Variants in AOPEP observed in about 807,000 individuals in gnomAD.
AOPEP encodes aminopeptidase O.
In AOPEP, 77 loss-of-function variants were observed where a neutral mutation model predicts 98.1. The ratio of observed to expected loss-of-function variants is 0.78; its 90% CI spans 0.65 to 0.95. The LOEUF is 0.95. Among genes scored for constraint, AOPEP ranks in the 40% least tolerant of loss-of-function variants. AOPEP has a pLI of 0.00. For synonymous variants in AOPEP, 346 were observed against 365.3 expected (o/e 0.95, Z 0.60); for missense variants, 1,024 against 1,024.7 (o/e 1.00, Z 0.01).
intron 13 of AOPEP, among the ~76,000 whole-genome samples, chr9:95,046,730 G>A (rs1327807877): frequency 3.3e-5 from 5 of 152,150 alleles, no homozygotes; most frequent in East Asian, 1.9e-4. Context: ...GTTGCTCACC[G>A]TGTTTATTTC....
chr9:94,901,359 A>G (rs980681221), intron 5 of AOPEP, among the ~76,000 whole-genome samples: 1 of 152,120 alleles, frequency 6.6e-6, no homozygotes, highest in Non-Finnish European at 1.5e-5. Context: ...ACCTAATAGT[A>G]TAGTATAGTA....
chr9:95,085,617 T>C (rs1587984041), intron 16 of AOPEP: 1 of 399,390 alleles, frequency 2.5e-6, no homozygotes, highest in South Asian at 1.8e-5. Flanking sequence ...CACAGTCAGC[T>C]TGGGTGCGGA....
At chr9:95,144,173 T>C in the AOPEP span, among the ~76,000 whole-genome samples, 1 of 152,172 alleles carries the variant, frequency 6.6e-6, no homozygotes, top group Admixed American at 6.5e-5. Flanking sequence ...CACTGATTGA[T>C]TGGATCAGCC....
At chr9:94,896,545 T>C (rs4743971) in intron 5 of AOPEP, among the ~76,000 whole-genome samples, 2,160 of 152,322 alleles carry the variant, frequency 0.014, 121 homozygotes, top group Admixed American at 0.1. Context: ...TCAACAGTGA[T>C]GTCATGTTGA....
In AOPEP at chr9:94,792,771, C is replaced by G. The variant is rs1159162801; in HGVS notation, c.971C>G (p.Ser324Ter). ...TTTCTCTTCCTGTTTACAGAGTGCT[C>G]AAGCTGGTATTACTATGTAACTATG... Reference protein sequence around the residue: ...AKPTQLWEECSSWYYYVTMPM... With the variant: ...AKPTQLWEEC The change falls in exon 4 of 17, where the codon TCA becomes TGA. Residue 324 changes from serine to a stop codon, truncating the protein, a stop_gained. Coordinates refer to ENST00000375315, the MANE Select transcript of AOPEP (RefSeq NM_001193329.3). LOFTEE classifies it high-confidence loss of function. The G allele has an allele frequency of 3.1e-6, 5 of 1,606,350 alleles. No individual in the cohort carries two copies. Among genetic ancestry groups the G allele is most frequent in the South Asian group, 1.1e-5 (1 of 90,444 alleles).
rs1006766394 is a variant in AOPEP, at chr9:94,942,817, A to G, written c.1662-12360A>G. On this transcript the variant is annotated intron_variant, in intron 7 of 16. Coordinates refer to ENST00000375315, the MANE Select transcript of AOPEP (RefSeq NM_001193329.3). ...GTTAAATTAGGAAAAATTCATTTAC[A>G]TCGCTTGAACCCGGGAGGCAGAGGT... Among the ~76,000 whole-genome samples, 3 of 151,558 alleles carry G rather than the reference A, an allele frequency of 2.0e-5. No individual in the cohort carries two copies. In the South Asian group the frequency reaches 6.2e-4, roughly 32 times the overall value.
intron 2 of AOPEP, among the ~76,000 whole-genome samples, chr9:94,767,569 C>T (rs1839904228): frequency 6.6e-6 from 1 of 152,204 alleles, no homozygotes; most frequent in African/African-American, 2.4e-5. Context: ...TAGGTCTCTT[C>T]ATTTCCTCAT....
chr9:95,081,295 C>T (rs1392451333), intron 15 of AOPEP, among the ~76,000 whole-genome samples: 1 of 152,178 alleles, frequency 6.6e-6, no homozygotes, highest in Non-Finnish European at 1.5e-5. Context: ...CATGTGGGAG[C>T]GGATCTGGGG....
At chr9:95,097,249 A>G in the AOPEP span, among the ~76,000 whole-genome samples, 1 of 152,236 alleles carries the variant, frequency 6.6e-6, no homozygotes, top group Admixed American at 6.5e-5. Context: ...GGCATAGGCT[A>G]AAGTATAGAT....
rs532742612 is a variant in AOPEP, at chr9:94,844,782, T to C, written c.1364+43780T>C. Among the ~76,000 whole-genome samples the C allele has an allele frequency of 5.9e-5, 9 of 152,298 alleles. 1 individual carries two copies. In the South Asian group the frequency reaches 1.9e-3, roughly 32 times the overall value. On this transcript the variant is annotated intron_variant, in intron 5 of 16. Coordinates refer to ENST00000375315, the MANE Select transcript of AOPEP (RefSeq NM_001193329.3). ...AGAACTCATAGTCTCAGGGGGCAGA[T>C]GGTCTGTTCCTAGGGTTGCTGTGAG...
At chr9:94,953,977 T>C (rs2058284870) in intron 7 of AOPEP, among the ~76,000 whole-genome samples, 1 of 152,154 alleles carries the variant, frequency 6.6e-6, no homozygotes, top group Non-Finnish European at 1.5e-5. Flanking sequence ...GAAAAGATCT[T>C]CATGGAGAAT....
At chr9:94,872,981 G>T (rs904165556) in intron 5 of AOPEP, among the ~76,000 whole-genome samples, 3 of 152,106 alleles carry the variant, frequency 2.0e-5, no homozygotes, top group Admixed American at 2.0e-4. Context: ...CCAGAGTCCA[G>T]GAGAGGCAAT....
At chr9:94,738,604 C>T (rs929142157) in intron 1 of AOPEP, among the ~76,000 whole-genome samples, 4 of 152,076 alleles carry the variant, frequency 2.6e-5, no homozygotes, top group African/African-American at 7.2e-5. Flanking sequence ...GATGGAGTCT[C>T]GCTCTGTCAC....
At chr9:95,004,104 G>T (rs1462140435) in intron 11 of AOPEP, 1 of 395,254 alleles carries the variant, frequency 2.5e-6, no homozygotes, top group Non-Finnish European at 5.0e-6. Context: ...GGGCAAGACA[G>T]ATTTTCTTTA....
intron 13 of AOPEP, among the ~76,000 whole-genome samples, chr9:95,021,195 T>G (rs1195705205): frequency 6.6e-6 from 1 of 152,064 alleles, no homozygotes; most frequent in Non-Finnish European, 1.5e-5. Context: ...AAAACTTGGA[T>G]TGTGAAGGGA....
At chr9:94,939,342 C>T (rs537017807) in intron 7 of AOPEP, among the ~76,000 whole-genome samples, 7 of 151,950 alleles carry the variant, frequency 4.6e-5, no homozygotes, top group East Asian at 1.9e-4. Flanking sequence ...AGGTTAAATT[C>T]GGGGGTTCTG....
the AOPEP span, among the ~76,000 whole-genome samples, chr9:95,105,705 C>T: frequency 6.6e-6 from 1 of 152,204 alleles, no homozygotes; most frequent in Admixed American, 6.5e-5. Context: ...TTGACTCTTC[C>T]AGGTGCCTCA....
intron 1 of AOPEP, among the ~76,000 whole-genome samples, chr9:94,749,360 T>A (rs1476098155): frequency 3.9e-5 from 6 of 152,206 alleles, no homozygotes; most frequent in Non-Finnish European, 8.8e-5. Flanking sequence ...ATCTTGTATT[T>A]TCCCTGCCCA....
intron 1 of AOPEP, among the ~76,000 whole-genome samples, chr9:94,758,963 A>G (rs961352370): frequency 2.0e-5 from 3 of 152,094 alleles, no homozygotes; most frequent in Admixed American, 6.5e-5. Flanking sequence ...TTGCCACAAG[A>G]AGGCTATTAT....
Sources: allele counts gnomAD v4.1 joint callset (sites outside exome capture counted in the v4.1 genomes callset), GRCh38; gene constraint gnomAD v4.1.1; transcripts MANE v1.5; gene names NCBI Gene and HGNC (gene_info 2026-07-23, HGNC 2026-07-21).